Variants in TRPC4 observed in about 807,000 individuals in gnomAD.
TRPC4 encodes short transient receptor potential channel 4.
Under a neutral mutation model 99.4 loss-of-function variants are expected in TRPC4, and 49 were observed. That is an observed-to-expected ratio of 0.49 (90% confidence interval 0.39 to 0.63). The LOEUF (loss-of-function observed/expected upper bound fraction) is 0.63, where lower values mean the gene tolerates loss of function less well. TRPC4 is among the 20% of genes least tolerant of loss of function. The pLI is 0.00. For synonymous variants in TRPC4, 454 were observed against 425.9 expected, an observed-to-expected ratio of 1.07 and a Z score of -0.81; for missense variants, 898 against 1,152.9, an observed-to-expected ratio of 0.78 and a Z score of 3.20.
At chr13:37,772,489 G>A (rs1300357133) in intron 2 of TRPC4, among the ~76,000 whole-genome samples, 1 of 151,658 alleles carries the variant, frequency 6.6e-6, no homozygotes, top group Non-Finnish European at 1.5e-5. Context: ...ATGTGTGTCT[G>A]CATGTGTATA....
intron 1 of TRPC4, among the ~76,000 whole-genome samples, chr13:37,786,394 G>T (rs1956972171): frequency 6.6e-6 from 1 of 151,632 alleles, no homozygotes; most frequent in African/African-American, 2.4e-5. Context: ...ACATAAGGGA[G>T]TAAGGAAGAT....
At chr13:37,781,400 A>C (rs147291771) in intron 2 of TRPC4, among the ~76,000 whole-genome samples, 129 of 152,232 alleles carry the variant, frequency 8.5e-4, no homozygotes, top group African/African-American at 3.0e-3. Context: ...TGAGAGGTAC[A>C]GCTGTGGAAA....
intron 1 of TRPC4, among the ~76,000 whole-genome samples, chr13:37,849,119 C>T (rs1958990375): frequency 6.6e-6 from 1 of 152,096 alleles, no homozygotes; most frequent in Admixed American, 6.6e-5. Context: ...GGGAAGGAGG[C>T]TGGGTATGCA....
At chr13:37,789,979 T>C (rs1392272297) in intron 1 of TRPC4, among the ~76,000 whole-genome samples, 1 of 152,018 alleles carries the variant, frequency 6.6e-6, no homozygotes, top group Non-Finnish European at 1.5e-5. Context: ...AACAGGAGAA[T>C]AAAACATGCA....
chr13:37,708,666 C>G (rs1047027435), intron 3 of TRPC4, among the ~76,000 whole-genome samples: 9 of 149,500 alleles, frequency 6.0e-5, no homozygotes, highest in African/African-American at 2.2e-4. Flanking sequence ...TATATATACA[C>G]ACACACATAC....
rs376247635 is a variant in TRPC4 at position 37,746,005 on chromosome 13, G to T, written c.829C>A (p.Leu277Ile). The change falls in exon 3 of 11, where the codon CTC becomes ATC. Residue 277 changes from leucine to isoleucine, a missense_variant. By Grantham distance (5) the Leu-to-Ile change is conservative. Coordinates refer to ENST00000379705, the MANE Select transcript of TRPC4 (RefSeq NM_016179.4). ...IILNYRDDNS[L>I]IEEQSGNDLA... ...TCATTTCCACTTTGTTCTTCTATGAGACTATTGTCATCTCGGTAATTAAGA... is the reference window on the plus strand; with the variant it reads ...TCATTTCCACTTTGTTCTTCTATGATACTATTGTCATCTCGGTAATTAAGA... 2 of 1,613,658 alleles carry T rather than the reference G, an allele frequency of 1.2e-6. No individual in the cohort carries two copies. Among genetic ancestry groups the T allele is most frequent in the African/African-American group, 2.7e-5 (2 of 74,866 alleles).
chr13:37,864,096 A>G (rs570988589), intron 1 of TRPC4, among the ~76,000 whole-genome samples: 15 of 151,816 alleles, frequency 9.9e-5, no homozygotes, highest in Non-Finnish European at 1.8e-4. Context: ...ATAATTTAAA[A>G]CAAATCCCTC....
chr13:37,825,105 G>T (rs1436768277), intron 1 of TRPC4, among the ~76,000 whole-genome samples: 1 of 151,676 alleles, frequency 6.6e-6, no homozygotes, highest in Non-Finnish European at 1.5e-5. Flanking sequence ...ATTTCTGTGG[G>T]ATCAGTGGTG....
chr13:37,658,190 A>G (rs1469030907), intron 6 of TRPC4, among the ~76,000 whole-genome samples: 1 of 152,118 alleles, frequency 6.6e-6, no homozygotes, highest in Non-Finnish European at 1.5e-5. Flanking sequence ...TTCTGTGGTA[A>G]GATATGAACT....
At chr13:37,831,610 G>C (rs985451702) in intron 1 of TRPC4, among the ~76,000 whole-genome samples, 2 of 152,132 alleles carry the variant, frequency 1.3e-5, no homozygotes, top group Non-Finnish European at 2.9e-5. Flanking sequence ...ATTCACAATA[G>C]TCAAGGTATG....
chr13:37,724,985 C>T (rs890419167), intron 3 of TRPC4, among the ~76,000 whole-genome samples: 11 of 152,100 alleles, frequency 7.2e-5, no homozygotes, highest in African/African-American at 2.4e-4. Context: ...AAACATCTGT[C>T]TTGAAGGTGC....
At chr13:37,859,223 T>C (rs780470685) in intron 1 of TRPC4, among the ~76,000 whole-genome samples, 31 of 150,768 alleles carry the variant, frequency 2.1e-4, no homozygotes, top group Non-Finnish European at 4.6e-4. Flanking sequence ...GGAAAAAGCA[T>C]TAAAAGAAAA....
At chr13:37,713,340 T>A (rs1954546887) in intron 3 of TRPC4, among the ~76,000 whole-genome samples, 1 of 152,194 alleles carries the variant, frequency 6.6e-6, no homozygotes, top group African/African-American at 2.4e-5. Context: ...TTTATCTAGA[T>A]AATAAAAGGC....
intron 1 of TRPC4, among the ~76,000 whole-genome samples, chr13:37,843,681 GAC>G (rs5802907): frequency 0.027 from 3,582 of 133,604 alleles, 68 homozygotes; most frequent in African/African-American, 0.073. Flanking sequence ...GATGTTTGGT[GAC>G]ACACACACAC....
intron 1 of TRPC4, among the ~76,000 whole-genome samples, chr13:37,831,290 A>G (rs12323057): frequency 0.013 from 1,973 of 152,322 alleles, 39 homozygotes; most frequent in African/African-American, 0.045. Flanking sequence ...AAAAATGCTC[A>G]ATATCACTAA....
At chr13:37,648,677 A>G (rs1182861416) in intron 8 of TRPC4, among the ~76,000 whole-genome samples, 1 of 152,230 alleles carries the variant, frequency 6.6e-6, no homozygotes, top group Admixed American at 6.5e-5. Flanking sequence ...GACCAGTAAT[A>G]TATAGCAAAT....
intron 1 of TRPC4, among the ~76,000 whole-genome samples, chr13:37,785,407 T>C (rs1401260929): frequency 6.6e-6 from 1 of 152,152 alleles, no homozygotes; most frequent in Non-Finnish European, 1.5e-5. Context: ...TAATGACTGG[T>C]ATTTATATTC....
chr13:37,738,425 G>A (rs540112545), intron 3 of TRPC4, among the ~76,000 whole-genome samples: 1 of 152,268 alleles, frequency 6.6e-6, no homozygotes, highest in African/African-American at 2.4e-5. Flanking sequence ...GAGAGTCAAG[G>A]AAATCTACAG....
chr13:37,726,089 G>A (rs1401184320), intron 3 of TRPC4, among the ~76,000 whole-genome samples: 1 of 151,824 alleles, frequency 6.6e-6, no homozygotes, highest in African/African-American at 2.4e-5. Flanking sequence ...CCAGCTACTC[G>A]GAAGGCTGAG....
Sources: gnomAD v4.1 joint callset for allele counts (sites outside exome capture counted in the v4.1 genomes callset) on GRCh38, gnomAD v4.1.1 for gene constraint, MANE v1.5 for transcripts, NCBI Gene and HGNC (gene_info 2026-07-23, HGNC 2026-07-21) for gene names.